The following LMTK2 variants were observed in gnomAD, a reference collection of about 807,000 sequenced individuals.
The protein encoded by LMTK2 is lemur tail kinase 2.
Under a neutral mutation model 127.5 loss-of-function variants are expected in LMTK2, and 37 were observed. The ratio of observed to expected loss-of-function variants is 0.29; its 90% CI spans 0.22 to 0.38. The LOEUF is 0.38. Among genes scored for constraint, LMTK2 ranks in the 10% least tolerant of loss-of-function variants. The probability of loss-of-function intolerance (pLI) is 1.00; values close to 1 mark genes in which losing one functional copy is unlikely to be tolerated. For synonymous variants in LMTK2, 819 were observed against 810.1 expected, an observed-to-expected ratio of 1.01 and a Z score of -0.19; for missense variants, 1,694 against 1,920.3, an observed-to-expected ratio of 0.88 and a Z score of 2.20.
At chr7:98,190,931 C>G (rs1337048482) in intron 10 of LMTK2, 54 bp downstream of exon 10, 2 of 1,550,622 alleles carry the variant, frequency 1.3e-6, no homozygotes, top group Non-Finnish European at 1.8e-6. Flanking sequence ...TGAGGTGTCC[C>G]CAAAACACAA....
At chr7:98,138,952 A>G (rs1045026372) in intron 2 of LMTK2, among the ~76,000 whole-genome samples, 1 of 152,062 alleles carries the variant, frequency 6.6e-6, no homozygotes, top group Admixed American at 6.6e-5. Context: ...GAGTATTTCC[A>G]TCTGTGATTT....
intron 7 of LMTK2, among the ~76,000 whole-genome samples, chr7:98,175,806 C>G (rs550645710): frequency 1.3e-5 from 2 of 152,224 alleles, no homozygotes; most frequent in Non-Finnish European, 2.9e-5. Context: ...CTGTAATCAG[C>G]CGAGTAGCTA....
At chr7:98,197,424 C>T (rs947166876) in intron 11 of LMTK2, among the ~76,000 whole-genome samples, 6 of 152,236 alleles carry the variant, frequency 3.9e-5, no homozygotes, top group Non-Finnish European at 8.8e-5. Flanking sequence ...TGCAGCCTGG[C>T]ATCGCATTCG....
chr7:98,186,768 T>C, intron 8 of LMTK2, 109 bp from the exon 9 acceptor site: 1 of 969,674 alleles, frequency 1.0e-6, no homozygotes, highest in Admixed American at 2.9e-5. Flanking sequence ...TTTTCTGACC[T>C]GGTTTTTGGA....
At chr7:98,203,433 C>A (rs1797737830) in intron 11 of LMTK2, 141 bp from the exon 12 acceptor site, 1 of 1,119,334 alleles carries the variant, frequency 8.9e-7, no homozygotes, top group Non-Finnish European at 1.2e-6. Context: ...TGTCCGTCCT[C>A]CCAGGCCTGG....
intron 3 of LMTK2, among the ~76,000 whole-genome samples, chr7:98,146,202 A>AC (rs1342925959): frequency 2.0e-5 from 3 of 152,122 alleles, no homozygotes; most frequent in Non-Finnish European, 2.9e-5. Context: ...CTGTGCCAGT[A>AC]CCACACCATT....
intron 1 of LMTK2, among the ~76,000 whole-genome samples, chr7:98,125,840 A>G (rs1796435574): frequency 6.6e-6 from 1 of 152,216 alleles, no homozygotes; most frequent in Non-Finnish European, 1.5e-5. Context: ...TTCATTGTAG[A>G]GGATTTTGAA....
chr7:98,167,730 C>T (rs575520339), intron 6 of LMTK2, among the ~76,000 whole-genome samples: 4 of 152,184 alleles, frequency 2.6e-5, no homozygotes, highest in East Asian at 1.9e-4. Flanking sequence ...GAGAGCTGTA[C>T]GTGAGGCATG....
intron 7 of LMTK2, among the ~76,000 whole-genome samples, chr7:98,173,588 C>T (rs1797227260): frequency 1.3e-5 from 2 of 152,094 alleles, no homozygotes; most frequent in Non-Finnish European, 2.9e-5. Flanking sequence ...TTATCAAAGA[C>T]AACTAGAATC....
chr7:98,168,701 C>T (rs955270227), intron 6 of LMTK2, among the ~76,000 whole-genome samples: 2 of 152,096 alleles, frequency 1.3e-5, no homozygotes, highest in East Asian at 1.9e-4. Context: ...AGCGGGCTTG[C>T]GAGGAACCTA....
At chr7:98,196,090 G>C (rs939568770) in intron 11 of LMTK2, among the ~76,000 whole-genome samples, 2 of 151,942 alleles carry the variant, frequency 1.3e-5, no homozygotes, top group African/African-American at 4.8e-5. Flanking sequence ...TTGGGAGGCT[G>C]AGGCATGAGA....
intron 1 of LMTK2, among the ~76,000 whole-genome samples, chr7:98,110,730 G>A (rs1408191544): frequency 6.6e-6 from 1 of 152,194 alleles, no homozygotes; most frequent in Non-Finnish European, 1.5e-5. Flanking sequence ...GGATAGTGGT[G>A]AGACAAGGAA....
In LMTK2 at chr7:98,171,819, C is replaced by G. The variant is rs1797197179; in HGVS notation, c.791+145C>G. 1.1e-6 allele frequency: 1 copy of G among 886,456 alleles called. No homozygotes were observed. The highest frequency in any genetic ancestry group is 1.7e-5 in the African/African-American group (1 of 58,762). The allele number at this position is 886,456 out of a possible 1,614,324, so 54.9% of individuals were successfully genotyped here. A position where few individuals can be genotyped will look rare whatever the true frequency, so the allele number is the denominator to read the frequency against. ...AGGTAGAAGCGATCTCGTTCTTACC[C>G]ATGTCCGGATAAGGGTTGAGTTGGG... On this transcript the variant is annotated intron_variant, in intron 7 of 13. Coordinates refer to ENST00000297293, the MANE Select transcript of LMTK2 (RefSeq NM_014916.4). The surrounding 1 kb of genome is among the most constrained non-coding windows in gnomAD (Gnocchi z 5.1).
At chr7:98,188,629 G>A (rs1797475051) in intron 9 of LMTK2, among the ~76,000 whole-genome samples, 1 of 152,098 alleles carries the variant, frequency 6.6e-6, no homozygotes, top group Non-Finnish European at 1.5e-5. Context: ...TCTTTGCAGG[G>A]CATAGTGTTC....
In LMTK2 at chr7:98,206,920, C is replaced by T. The variant is rs1005884628; in HGVS notation, c.*1428C>T. Reference sequence around the variant, plus strand: ...GGGGCCTTGGGTGGTCCTGCATGGCCCGGGACTCATCTCACGGACCCTCCG... The same window carrying T: ...GGGGCCTTGGGTGGTCCTGCATGGCTCGGGACTCATCTCACGGACCCTCCG... On this transcript the variant is annotated 3_prime_UTR_variant, in exon 14 of 14. Coordinates refer to ENST00000297293, the MANE Select transcript of LMTK2 (RefSeq NM_014916.4). 5 of 152,144 alleles carry T rather than the reference C, an allele frequency of 3.3e-5. No individual in the cohort carries two copies. The highest frequency in any genetic ancestry group is 1.2e-4 in the African/African-American group (5 of 41,394). 9.4% of individuals were successfully genotyped at this position (152,144 alleles called of 1,614,324 possible). A position where few individuals can be genotyped will look rare whatever the true frequency, so the allele number is the denominator to read the frequency against.
chr7:98,141,634 C>A, intron 3 of LMTK2, 93 bp downstream of exon 3: 1 of 1,219,520 alleles, frequency 8.2e-7, no homozygotes. Context: ...GACTGCCCAT[C>A]TCCTCTTTGG....
In LMTK2 at chr7:98,194,652, G is replaced by C; in HGVS notation, c.4107+80G>C. ...TGTGCTAGGAAATTGAGTGTGGTCT[G>C]TTTTCTAGTTGCCATTTTGAGGCAG... On this transcript the variant is annotated intron_variant, in intron 11 of 13. Transcript: ENST00000297293. The surrounding 1 kb of genome is among the most constrained non-coding windows in gnomAD (Gnocchi z 5.4). 7.7e-7 allele frequency: 1 copy of C among 1,305,964 alleles called. No homozygotes were observed. Among genetic ancestry groups the C allele is most frequent in the African/African-American group, 1.5e-5 (1 of 67,660 alleles). 80.9% of individuals were successfully genotyped at this position (1,305,964 alleles called of 1,614,324 possible).
chr7:98,200,066 AT>A (rs1211092282), intron 11 of LMTK2, among the ~76,000 whole-genome samples: 1 of 151,632 alleles, frequency 6.6e-6, no homozygotes, highest in Non-Finnish European at 1.5e-5. Flanking sequence ...CATTTTTAGT[AT>A]TACATTTTTC....
At position 98,190,811 on chromosome 7, in the gene LMTK2, A is replaced by G; in HGVS notation, c.1082A>G (p.Gln361Arg). Residue 361 changes from glutamine to arginine, a missense_variant, in exon 10 of 14, where the codon CAA becomes CGA. Around this residue, in one of 8 missense-constraint regions of LMTK2, gnomAD observed 216 missense variants for 266.8 expected, o/e 0.81. Coordinates refer to ENST00000297293, the MANE Select transcript of LMTK2 (RefSeq NM_014916.4). ...SNLSNLDVLN[Q>R]VIRERDTKLP... ...CTTTCCAACTTAGATGTCCTCAACCAAGTCATTAGAGAGAGAGACACAAAA... is the reference window on the plus strand; with the variant it reads ...CTTTCCAACTTAGATGTCCTCAACCGAGTCATTAGAGAGAGAGACACAAAA... 6.2e-7 allele frequency: 1 copy of G among 1,614,136 alleles called. No individual in the cohort carries two copies. The highest frequency in any genetic ancestry group is 8.5e-7 in the Non-Finnish European group (1 of 1,180,020).
Sources: gnomAD v4.1 joint callset for allele counts (sites outside exome capture counted in the v4.1 genomes callset) on GRCh38, gnomAD v4.1.1 for gene constraint, gnomAD v4.1.1 regional missense constraint, Gnocchi (gnomAD v3.1) non-coding constraint, MANE v1.5 for transcripts, NCBI Gene and HGNC (gene_info 2026-07-23, HGNC 2026-07-21) for gene names.